USP24: variants seen among roughly 807,000 people sequenced by gnomAD.
USP24 encodes ubiquitin carboxyl-terminal hydrolase 24.
In USP24, 97 loss-of-function variants were observed where a neutral mutation model predicts 361.6. The ratio of observed to expected loss-of-function variants is 0.27; its 90% CI spans 0.23 to 0.32. The LOEUF is 0.32. Ranked by LOEUF, USP24 falls within the 10% of genes least tolerant of loss-of-function variation. The pLI is 1.00. For missense variants in USP24, 2,353 were observed against 3,165.6 expected (o/e 0.74, Z 6.16); for synonymous variants, 1,098 against 1,124.6 (o/e 0.98, Z 0.47).
At chr1:55,150,388 A>T (rs1303882672) in intron 16 of USP24, among the ~76,000 whole-genome samples, 1 of 152,206 alleles carries the variant, frequency 6.6e-6, no homozygotes, top group Non-Finnish European at 1.5e-5. Flanking sequence ...TGCAGGGTGC[A>T]ATCACTGGCA....
At position 55,134,174 on chromosome 1, in the gene USP24, T is replaced by G; in HGVS notation, c.3288-11A>C. 2.5e-6 allele frequency: 4 copies of G among 1,612,098 alleles called. No individual in the cohort carries two copies. Among genetic ancestry groups the G allele is most frequent in the Non-Finnish European group, 3.4e-6 (4 of 1,179,040 alleles). On this transcript the variant is annotated splice_polypyrimidine_tract_variant and intron_variant, in intron 29 of 67. Coordinates refer to ENST00000294383, the MANE Select transcript of USP24 (RefSeq NM_015306.3). ...ACTCGTAGAGTTATCCTGAAGTTTT[T>G]CAAATACAAATTTTTTCATATAAGC...
At chr1:55,187,730 G>GC (rs113304121) in intron 1 of USP24, among the ~76,000 whole-genome samples, 53 of 152,226 alleles carry the variant, frequency 3.5e-4, no homozygotes, top group African/African-American at 1.3e-3. Flanking sequence ...CTTAGGAAGT[G>GC]CAAGACTTGT....
chr1:55,177,903 A>G, intron 2 of USP24, 64 bp downstream of exon 2: 4 of 1,449,048 alleles, frequency 2.8e-6, no homozygotes, highest in Non-Finnish European at 3.7e-6. Flanking sequence ...AACAAAGGCT[A>G]AGATTAAACT....
chr1:55,126,506 A>C (rs775212084), intron 32 of USP24, among the ~76,000 whole-genome samples: 1 of 152,130 alleles, frequency 6.6e-6, no homozygotes, highest in African/African-American at 2.4e-5. Flanking sequence ...GAGGATGTGG[A>C]TTTTGGTCTA....
intron 10 of USP24, 35 bp from the exon 11 acceptor site, chr1:55,157,405 A>G (rs1647788699): frequency 8.5e-7 from 1 of 1,171,754 alleles, no homozygotes; most frequent in African/African-American, 1.6e-5. Context: ...TGAGTCTAAT[A>G]TACATTATCA....
At chr1:55,125,851 T>C in intron 32 of USP24, 93 bp from the exon 33 acceptor site, 1 of 1,021,472 alleles carries the variant, frequency 9.8e-7, no homozygotes, top group Non-Finnish European at 1.4e-6. Flanking sequence ...TCATCATCAA[T>C]TACTTAGTTT....
chr1:55,154,019 T>C, intron 15 of USP24, 100 bp downstream of exon 15: 1 of 1,572,482 alleles, frequency 6.4e-7, no homozygotes, highest in African/African-American at 1.4e-5. Flanking sequence ...ATATGGCATT[T>C]AGTTTAATTT....
chr1:55,160,997 A>C (rs1252802115), intron 8 of USP24, among the ~76,000 whole-genome samples: 2 of 152,176 alleles, frequency 1.3e-5, no homozygotes, highest in Non-Finnish European at 2.9e-5. Context: ...CAGAATGGAG[A>C]AATATGTAAA....
intron 5 of USP24, among the ~76,000 whole-genome samples, chr1:55,169,847 A>G (rs930282453): frequency 6.6e-6 from 1 of 152,158 alleles, no homozygotes; most frequent in African/African-American, 2.4e-5. Flanking sequence ...TTACCGGGTA[A>G]AAAATGATAG....
chr1:55,134,201 A>G, intron 29 of USP24, 38 bp from the exon 30 acceptor site: 1 of 1,599,576 alleles, frequency 6.3e-7, no homozygotes, highest in Non-Finnish European at 8.5e-7. Flanking sequence ...CATATAAGCC[A>G]TAGTTTAATT....
chr1:55,134,036 T>A, intron 30 of USP24, 34 bp downstream of exon 30: 1 of 1,551,476 alleles, frequency 6.4e-7, no homozygotes, highest in Non-Finnish European at 8.9e-7. Context: ...AATTGTGATA[T>A]AAAATTGCCA....
intron 48 of USP24, 76 bp from the exon 49 acceptor site, chr1:55,097,248 A>G (rs1645516479): frequency 2.7e-6 from 4 of 1,476,620 alleles, no homozygotes. Context: ...TGAGATCCAA[A>G]TAAGAGGAAG....
At chr1:55,200,809 C>T (rs1644550338) in intron 1 of USP24, among the ~76,000 whole-genome samples, 1 of 152,140 alleles carries the variant, frequency 6.6e-6, no homozygotes, top group African/African-American at 2.4e-5. Flanking sequence ...TGTAACAAAA[C>T]TACATAAAAA....
chr1:55,159,272 TA>T (rs1179359419), intron 9 of USP24, among the ~76,000 whole-genome samples: 4 of 152,204 alleles, frequency 2.6e-5, no homozygotes, highest in Non-Finnish European at 5.9e-5. Flanking sequence ...ATATTAAATT[TA>T]AATGGTAAAA....
intron 3 of USP24, among the ~76,000 whole-genome samples, chr1:55,173,054 G>A (rs934843267): frequency 2.6e-5 from 4 of 152,002 alleles, no homozygotes; most frequent in Admixed American, 6.6e-5. Flanking sequence ...TAATATTTCT[G>A]GAACCTAAGA....
chr1:55,113,542 A>G (rs747154519), intron 38 of USP24, among the ~76,000 whole-genome samples: 1 of 152,212 alleles, frequency 6.6e-6, no homozygotes, highest in East Asian at 1.9e-4. Flanking sequence ...TGAGGACAGC[A>G]TCTTCCTGAT....
intron 32 of USP24, among the ~76,000 whole-genome samples, chr1:55,127,843 TA>T (rs1339835237): frequency 3.3e-5 from 5 of 152,194 alleles, no homozygotes; most frequent in African/African-American, 1.2e-4. Flanking sequence ...GTCTTCAATT[TA>T]CTATCACCCC....
At chr1:55,175,059 AT>A (rs1649821336) in intron 3 of USP24, among the ~76,000 whole-genome samples, 1 of 152,040 alleles carries the variant, frequency 6.6e-6, no homozygotes, top group Admixed American at 6.5e-5. Context: ...CCAAATGACA[AT>A]TTGAAAAGAT....
chr1:55,181,757 T>A (rs1569628132), intron 1 of USP24, among the ~76,000 whole-genome samples: 1 of 152,318 alleles, frequency 6.6e-6, no homozygotes, highest in South Asian at 2.1e-4. Context: ...TCCCCTAGCA[T>A]CATCAGTGTT....
Sources: allele counts gnomAD v4.1 joint callset (sites outside exome capture counted in the v4.1 genomes callset), GRCh38; gene constraint gnomAD v4.1.1; transcripts MANE v1.5; gene names NCBI Gene and HGNC (gene_info 2026-07-23, HGNC 2026-07-21).